CDC20B: variants seen among roughly 807,000 people sequenced by gnomAD.
CDC20B encodes the protein cell division cycle protein 20 homolog B.
Under a neutral mutation model 64.1 loss-of-function variants are expected in CDC20B, and 58 were observed. The observed-to-expected ratio is 0.90, with a 90% confidence interval of 0.73 to 1.13. The LOEUF is 1.13. CDC20B is among the 50% of genes most tolerant of loss of function. The pLI is 0.00. For synonymous variants in CDC20B, 243 were observed against 230.6 expected (o/e 1.05, Z -0.49); for missense variants, 597 against 633.0 (o/e 0.94, Z 0.61).
At chr5:55,164,870 T>A (rs1744297540) in intron 2 of CDC20B, 1 of 152,214 alleles carries the variant, frequency 6.6e-6, no homozygotes, top group Admixed American at 6.5e-5. Flanking sequence ...ATATAAATAG[T>A]CATTTATAAA....
intron 8 of CDC20B, 112 bp downstream of exon 8, chr5:55,127,145 T>C: frequency 1.1e-6 from 1 of 884,858 alleles, no homozygotes; most frequent in Non-Finnish European, 1.8e-6. Flanking sequence ...TCCAATGGCC[T>C]ATTTTGTTTT....
At chr5:55,115,874 G>A (rs558780904) in intron 11 of CDC20B, among the ~76,000 whole-genome samples, 16 of 152,172 alleles carry the variant, frequency 1.1e-4, no homozygotes, top group East Asian at 1.9e-4. Flanking sequence ...ACGTGCATGC[G>A]CAAGCACACA....
chr5:55,151,974 AT>A (rs1361688160), intron 2 of CDC20B, among the ~76,000 whole-genome samples: 17 of 152,256 alleles, frequency 1.1e-4, no homozygotes, highest in Admixed American at 6.5e-4. Context: ...ACTATTGTGA[AT>A]TGTCAGGATG....
At chr5:55,123,784 A>T (rs1369044562) in intron 9 of CDC20B, among the ~76,000 whole-genome samples, 2 of 152,164 alleles carry the variant, frequency 1.3e-5, no homozygotes, top group African/African-American at 2.4e-5. Context: ...CGTATTTTAC[A>T]TATATTTTGC....
At chr5:55,128,395 T>C (rs1742946228) in intron 7 of CDC20B, 26 bp downstream of exon 7, 10 of 1,546,564 alleles carry the variant, frequency 6.5e-6, no homozygotes, top group Non-Finnish European at 8.7e-6. Flanking sequence ...GAGAACATGA[T>C]GAGAAAAAAA....
chr5:55,144,752 C>G (rs1743424557), intron 3 of CDC20B, among the ~76,000 whole-genome samples: 1 of 152,146 alleles, frequency 6.6e-6, no homozygotes, highest in East Asian at 1.9e-4. Context: ...CTAGTACTGA[C>G]AATCATCACA....
At chr5:55,167,169 A>T (rs768057268) in intron 2 of CDC20B, 1 of 152,202 alleles carries the variant, frequency 6.6e-6, no homozygotes, top group Non-Finnish European at 1.5e-5. Context: ...TAATTCACTG[A>T]CTTGAAGTTT....
At chr5:55,147,237 TATAA>T (rs1743516655) in intron 2 of CDC20B, among the ~76,000 whole-genome samples, 1 of 108,282 alleles carries the variant, frequency 9.2e-6, no homozygotes, top group Non-Finnish European at 2.0e-5. Flanking sequence ...TTATATATTA[TATAA>T]ACATAAATAT....
intron 5 of CDC20B, among the ~76,000 whole-genome samples, chr5:55,137,842 T>C (rs1047091567): frequency 2.2e-4 from 33 of 152,146 alleles, no homozygotes; most frequent in Non-Finnish European, 3.7e-4. Flanking sequence ...AAAGGATTAA[T>C]AACTGACCAA....
chr5:55,158,155 G>A (rs1019973325), intron 2 of CDC20B, among the ~76,000 whole-genome samples: 1 of 152,160 alleles, frequency 6.6e-6, no homozygotes, highest in Non-Finnish European at 1.5e-5. Context: ...TCTGACTCGG[G>A]AAGTCTGGGG....
chr5:55,131,460 A>G (rs992189985), intron 6 of CDC20B, among the ~76,000 whole-genome samples: 1 of 152,218 alleles, frequency 6.6e-6, no homozygotes, highest in Non-Finnish European at 1.5e-5. Context: ...GAGAAACACA[A>G]ATCAGCAAAA....
intron 5 of CDC20B, chr5:55,137,687 C>G (rs957226385): frequency 2.2e-6 from 1 of 456,458 alleles, no homozygotes; most frequent in Admixed American, 2.3e-5. Context: ...GGAGGAATGG[C>G]CATGTAAGTT....
chr5:55,171,890 C>T (rs569127325), intron 2 of CDC20B, among the ~76,000 whole-genome samples: 1 of 152,286 alleles, frequency 6.6e-6, no homozygotes, highest in Admixed American at 6.5e-5. Context: ...CAGGCATGAG[C>T]CACAGTGCCT....
At position 55,146,855 on chromosome 5, in the gene CDC20B, A is replaced by G. The variant is rs1743496937; in HGVS notation, c.128T>C (p.Val43Ala). Reference protein sequence around the residue: ...KQKRSQDSANVLDSVNATYSD... With the variant: ...KQKRSQDSANALDSVNATYSD... ...ATACGTAGCATTAACTGAATCGAGT[A>G]CCTGTTTAACAACAAAAACAGCTGT... is the stretch of plus-strand genomic sequence containing the variant. Residue 43 changes from valine to alanine, a missense_variant and splice_region_variant, in exon 3 of 12, where the codon GTA becomes GCA. Transcript: ENST00000381375. 6.2e-7 allele frequency: 1 copy of G among 1,613,068 alleles called. No individual in the cohort carries two copies. The highest frequency in any genetic ancestry group is 1.3e-5 in the African/African-American group (1 of 74,892).
intron 2 of CDC20B, among the ~76,000 whole-genome samples, chr5:55,163,539 T>C (rs1744204772): frequency 6.6e-6 from 1 of 151,896 alleles, no homozygotes; most frequent in Admixed American, 6.6e-5. Flanking sequence ...AGAGTTTCAC[T>C]CTTGTCCCCC....
chr5:55,144,351 G>C (rs1743415677), intron 3 of CDC20B, among the ~76,000 whole-genome samples: 1 of 152,098 alleles, frequency 6.6e-6, no homozygotes. Flanking sequence ...ACTTTCAACT[G>C]CCCTGGAAAC....
intron 6 of CDC20B, 132 bp downstream of exon 6, chr5:55,133,280 T>G: frequency 2.2e-6 from 1 of 452,866 alleles, no homozygotes; most frequent in Non-Finnish European, 4.0e-6. Flanking sequence ...ATATTAGCCA[T>G]ATTTGGATGC....
chr5:55,121,606 A>T (rs1742758270), intron 9 of CDC20B, among the ~76,000 whole-genome samples: 1 of 152,038 alleles, frequency 6.6e-6, no homozygotes, highest in African/African-American at 2.4e-5. Context: ...TTTCTGACAA[A>T]TTTTTTAAGT....
chr5:55,125,276 A>C (rs764594607), intron 8 of CDC20B, among the ~76,000 whole-genome samples: 6 of 152,188 alleles, frequency 3.9e-5, no homozygotes, highest in African/African-American at 7.2e-5. Context: ...GATGTTTCTA[A>C]TGACTTTAAT....
Sources: gnomAD v4.1 joint callset for allele counts (sites outside exome capture counted in the v4.1 genomes callset) on GRCh38, gnomAD v4.1.1 for gene constraint, MANE v1.5 for transcripts, NCBI Gene and HGNC (gene_info 2026-07-23, HGNC 2026-07-21) for gene names.